ARHGAP1: variants seen among roughly 807,000 people sequenced by gnomAD.
ARHGAP1 encodes Rho GTPase activating protein 1.
Under a neutral mutation model 52.2 loss-of-function variants are expected in ARHGAP1, and 23 were observed. The ratio of observed to expected loss-of-function variants is 0.44; its 90% CI spans 0.32 to 0.62. The LOEUF is 0.62. Among genes scored for constraint, ARHGAP1 ranks in the 20% least tolerant of loss-of-function variants. The pLI is 0.05. For synonymous variants in ARHGAP1, 210 were observed against 228.4 expected (o/e 0.92, Z 0.73); for missense variants, 480 against 560.9 (o/e 0.86, Z 1.46).
Position 46,680,133 on chromosome 11 carries a change from G to C in ARHGAP1, c.898+72C>G, listed in dbSNP as rs375311782. The C allele has an allele frequency of 2.7e-6, 4 of 1,498,376 alleles. No individual in the cohort carries two copies. The highest frequency in any genetic ancestry group is 1.4e-5 in the African/African-American group (1 of 72,442). 92.8% of individuals were successfully genotyped at this position (1,498,376 alleles called of 1,614,324 possible). A position where few individuals can be genotyped will look rare whatever the true frequency, so the allele number is the denominator to read the frequency against. ...AGAGACTCTGAGACTCTCATTTACA[G>C]GGCAGCAGAGGGCAGAGAAGCCCCC... is the stretch of plus-strand genomic sequence containing the variant. On this transcript the variant is annotated intron_variant, in intron 10 of 12. Transcript: ENST00000311956. The surrounding 1 kb of genome is among the most constrained non-coding windows in gnomAD (Gnocchi z 5.9).
chr11:46,682,258 A>G (rs763638190), intron 4 of ARHGAP1, 76 bp from the exon 5 acceptor site: 8 of 1,580,904 alleles, frequency 5.1e-6, no homozygotes, highest in Non-Finnish European at 6.9e-6. Flanking sequence ...CAGCCCCAAG[A>G]GTCTCCCACC....
chr11:46,681,278 C>T lies in ARHGAP1; in HGVS notation c.536+15G>A. 6.2e-7 allele frequency: 1 copy of T among 1,607,140 alleles called. No individual in the cohort carries two copies. Among genetic ancestry groups the T allele is most frequent in the Non-Finnish European group, 8.5e-7 (1 of 1,173,622 alleles). ...AGGCAAGCCGGGACCACCAGCCCTG[C>T]CCGTGGCCACTCACCTGATGAGGGG... is the stretch of plus-strand genomic sequence containing the variant. On this transcript the variant is annotated intron_variant, in intron 6 of 12. Coordinates refer to ENST00000311956, the MANE Select transcript of ARHGAP1 (RefSeq NM_004308.5). The surrounding 1 kb of genome is among the most constrained non-coding windows in gnomAD (Gnocchi z 5.7).
Position 46,696,293 on chromosome 11 carries a change from G to A in ARHGAP1, c.-49-137C>T, listed in dbSNP as rs1359861600. 9.7e-6 allele frequency: 6 copies of A among 617,434 alleles called. No individual in the cohort carries two copies. The highest frequency in any genetic ancestry group is 3.7e-5 in the African/African-American group (2 of 53,952). 38.2% of individuals were successfully genotyped at this position (617,434 alleles called of 1,614,324 possible). ...CTATTCCTCAACACTCCTCATCCCC[G>A]CCAAGAGCTCCACGTAGCTCTGGGT... On this transcript the variant is annotated intron_variant, in intron 1 of 12. Transcript: ENST00000311956. This position sits in a 1 kb window ranked among gnomAD's most constrained non-coding sequence, Gnocchi z 4.8.
In ARHGAP1 at chr11:46,678,719, A is replaced by C; in HGVS notation, c.*318T>G. 1 of 329,084 alleles carries C rather than the reference A, an allele frequency of 3.0e-6. No individual in the cohort carries two copies. The highest frequency in any genetic ancestry group is 5.6e-6 in the Non-Finnish European group (1 of 177,168). The allele number at this position is 329,084 out of a possible 1,614,324, so 20.4% of individuals were successfully genotyped here. On this transcript the variant is annotated 3_prime_UTR_variant, in exon 13 of 13. Coordinates refer to ENST00000311956, the MANE Select transcript of ARHGAP1 (RefSeq NM_004308.5). ...TTGATTCATCCACACTTGCTAGGGA[A>C]ACAGAGGCAGGAAAAAGCAGGAAAG...
At position 46,679,569 on chromosome 11, in the gene ARHGAP1, G is replaced by C; in HGVS notation, c.1027+79C>G. Reference sequence around the variant, plus strand: ...GGAGACCCCCAGCAGTCTTCCCTGGGAGGCGCCTAGGCCCGAAAGCCTGCA... The same window carrying C: ...GGAGACCCCCAGCAGTCTTCCCTGGCAGGCGCCTAGGCCCGAAAGCCTGCA... On this transcript the variant is annotated intron_variant, in intron 11 of 12. Transcript: ENST00000311956. The surrounding 1 kb of genome is among the most constrained non-coding windows in gnomAD (Gnocchi z 4.4). 3.7e-6 allele frequency: 6 copies of C among 1,608,342 alleles called. 1 individual carries two copies. The South Asian group carries it at 5.5e-5, about 15-fold the overall frequency.
intron 4 of ARHGAP1, among the ~76,000 whole-genome samples, chr11:46,683,662 T>C (rs1322331090): frequency 6.7e-6 from 1 of 149,248 alleles, no homozygotes; most frequent in Non-Finnish European, 1.5e-5. Context: ...TTTTTTGAGA[T>C]GGAGTTTTGC....
intron 3 of ARHGAP1, among the ~76,000 whole-genome samples, chr11:46,694,661 C>T (rs1185636104): frequency 1.3e-5 from 2 of 152,214 alleles, no homozygotes; most frequent in Admixed American, 1.3e-4. Context: ...GTGACTTTCC[C>T]GTGCCCAATT....
chr11:46,677,986 T>G lies in ARHGAP1; in HGVS notation c.*1051A>C, dbSNP rs1408825035. On this transcript the variant is annotated 3_prime_UTR_variant, in exon 13 of 13. Coordinates refer to ENST00000311956, the MANE Select transcript of ARHGAP1 (RefSeq NM_004308.5). ...GTGGCCCTAGAGCCCCTTAATCCCC[T>G]GGGGAAATTGCTAGAACCCACCTAT... The G allele has an allele frequency of 2.3e-6, 1 of 428,898 alleles. No homozygotes were observed. The highest frequency in any genetic ancestry group is 4.6e-6 in the Non-Finnish European group (1 of 219,182). 26.6% of individuals were successfully genotyped at this position (428,898 alleles called of 1,614,324 possible).
At position 46,694,977 on chromosome 11, in the gene ARHGAP1, A is replaced by G. The variant is rs192374400; in HGVS notation, c.229+683T>C. 91 of 164,822 alleles carry G rather than the reference A, an allele frequency of 5.5e-4. 1 individual carries two copies. The highest frequency in any genetic ancestry group is 1.2e-4 in the Non-Finnish European group (9 of 74,280). 10.2% of individuals were successfully genotyped at this position (164,822 alleles called of 1,614,324 possible). A position where few individuals can be genotyped will look rare whatever the true frequency, so the allele number is the denominator to read the frequency against. ...CTGGCCTCACCAGCAAGGATGGACA[A>G]ATGTTAGGGAAAAGATAAAGGATCC... On this transcript the variant is annotated intron_variant, in intron 3 of 12. Transcript: ENST00000311956.
In ARHGAP1 at chr11:46,680,989, C is replaced by A. The variant is rs774066659; in HGVS notation, c.635+22G>T. Reference sequence around the variant, plus strand: ...CTCATTACCCTGGCTTCACGAGCCCCCAGCCGCCGCACCCGCCTCACTTGA... The same window carrying A: ...CTCATTACCCTGGCTTCACGAGCCCACAGCCGCCGCACCCGCCTCACTTGA... On this transcript the variant is annotated intron_variant, in intron 7 of 12. Transcript: ENST00000311956. This position sits in a 1 kb window ranked among gnomAD's most constrained non-coding sequence, Gnocchi z 5.9. The A allele has an allele frequency of 6.2e-7, 1 of 1,610,170 alleles. No homozygotes were observed. The highest frequency in any genetic ancestry group is 1.1e-5 in the South Asian group (1 of 91,016).
Position 46,681,270 on chromosome 11 carries a change from C to A in ARHGAP1, c.536+23G>T. ...AGAGTTCCAGGCAAGCCGGGACCAC[C>A]AGCCCTGCCCGTGGCCACTCACCTG... On this transcript the variant is annotated intron_variant, in intron 6 of 12. Transcript: ENST00000311956. This position sits in a 1 kb window ranked among gnomAD's most constrained non-coding sequence, Gnocchi z 5.7. 1 of 1,601,250 alleles carries A rather than the reference C, an allele frequency of 6.2e-7. No homozygotes were observed. The highest frequency in any genetic ancestry group is 1.1e-5 in the South Asian group (1 of 90,800).
intron 3 of ARHGAP1, among the ~76,000 whole-genome samples, chr11:46,691,144 A>C (rs1453225167): frequency 6.6e-6 from 1 of 152,062 alleles, no homozygotes; most frequent in African/African-American, 2.4e-5. Context: ...CTGGGATTAC[A>C]GTTGCGTACC....
At position 46,681,927 on chromosome 11, in the gene ARHGAP1, G is replaced by T. The variant is rs576439906; in HGVS notation, c.449+124C>A. The T allele has an allele frequency of 2.2e-6, 3 of 1,367,340 alleles. No individual in the cohort carries two copies. In the East Asian group the frequency reaches 7.3e-5, roughly 33 times the overall value. The allele number at this position is 1,367,340 out of a possible 1,614,324, so 84.7% of individuals were successfully genotyped here. A position where few individuals can be genotyped will look rare whatever the true frequency, so the allele number is the denominator to read the frequency against. ...CTGACTGCAGATTCTTTACATTGACGTAGACGGCAGCCCCCGCCACCCCCT... is the reference window on the plus strand; with the variant it reads ...CTGACTGCAGATTCTTTACATTGACTTAGACGGCAGCCCCCGCCACCCCCT... On this transcript the variant is annotated intron_variant, in intron 5 of 12. Coordinates refer to ENST00000311956, the MANE Select transcript of ARHGAP1 (RefSeq NM_004308.5). The surrounding 1 kb of genome is among the most constrained non-coding windows in gnomAD (Gnocchi z 5.7).
At position 46,679,750 on chromosome 11, in the gene ARHGAP1, T is replaced by C. The variant is rs761422655; in HGVS notation, c.925A>G (p.Asn309Asp). Residue 309 changes from asparagine to aspartate, a missense_variant, in exon 11 of 13, where the codon AAT (asparagine) becomes GAT (aspartate). Physicochemically the swap from Asn to Asp is conservative, Grantham distance 23 (BLOSUM62 1). Transcript: ENST00000311956. The surrounding 1 kb of genome is among the most constrained non-coding windows in gnomAD (Gnocchi z 4.4). ...MGLPVDFDQY[N>D]ELHLPAVILK... The stretch of plus-strand genomic sequence containing the variant: ...ATGACTGCTGGCAGGTGCAGCTCAT[T>C]GTACTGGTCGAAATCCACAGGCAGC... The C allele has an allele frequency of 1.2e-6, 2 of 1,613,722 alleles. No homozygotes were observed. The highest frequency in any genetic ancestry group is 1.3e-5 in the African/African-American group (1 of 74,912).
In ARHGAP1 at chr11:46,681,649, G is replaced by A; in HGVS notation, c.450-270C>T. The A allele has an allele frequency of 2.4e-6, 1 of 421,496 alleles. No individual in the cohort carries two copies. The highest frequency in any genetic ancestry group is 4.4e-6 in the Non-Finnish European group (1 of 227,056). 26.1% of individuals were successfully genotyped at this position (421,496 alleles called of 1,614,324 possible). On this transcript the variant is annotated intron_variant, in intron 5 of 12. Transcript: ENST00000311956. This position sits in a 1 kb window ranked among gnomAD's most constrained non-coding sequence, Gnocchi z 5.7. ...GGGTTTCACCATGTTGGCCAGGCTG[G>A]TCTGGAACTCCTGACCTCAAGTGAT...
rs2064651734 is a variant in ARHGAP1 at position 46,696,089 on chromosome 11, G to C, written c.19C>G (p.Leu7Val). MDPLSE[L>V]QDDLTLDDTS... is the part of the protein sequence containing the mutation. ...TCATCCAAGGTCAGATCATCCTGCA[G>C]CTCTGAGAGCGGATCCATGGCCAAG... The change falls in exon 2 of 13, where the codon CTG becomes GTG. Residue 7 changes from leucine (L) to valine (V), a missense_variant. Leu to Val is a conservative substitution (Grantham distance 32). Coordinates refer to ENST00000311956, the MANE Select transcript of ARHGAP1 (RefSeq NM_004308.5). This position sits in a 1 kb window ranked among gnomAD's most constrained non-coding sequence, Gnocchi z 4.8. The C allele has an allele frequency of 1.2e-6, 2 of 1,604,844 alleles. No homozygotes were observed. Among genetic ancestry groups the C allele is most frequent in the Admixed American group, 3.4e-5 (2 of 58,084 alleles).
chr11:46,697,550 A>G (rs1420220201), intron 1 of ARHGAP1: 2 of 152,264 alleles, frequency 1.3e-5, no homozygotes, highest in African/African-American at 4.8e-5. Flanking sequence ...CACACATCAC[A>G]TCACAGCCAA....
In ARHGAP1 at chr11:46,682,041, C is replaced by T. The variant is rs2064532794; in HGVS notation, c.449+10G>A. 2 of 1,613,746 alleles carry T rather than the reference C, an allele frequency of 1.2e-6. No homozygotes were observed. Among genetic ancestry groups the T allele is most frequent in the African/African-American group, 2.7e-5 (2 of 74,934 alleles). ...GGATCTGACTGTGCAGGCCCCATGC[C>T]CCAACCCACTTGCGGTCAAACTCCC... On this transcript the variant is annotated intron_variant, in intron 5 of 12. Transcript: ENST00000311956.
chr11:46,682,303 GCA>G (rs1336005984), intron 4 of ARHGAP1, 121 bp from the exon 5 acceptor site: 2 of 1,347,874 alleles, frequency 1.5e-6, no homozygotes, highest in African/African-American at 2.9e-5. Context: ...CCCTCCCCTA[GCA>G]CAGTCTGTTC....
Sources: allele counts gnomAD v4.1 joint callset (sites outside exome capture counted in the v4.1 genomes callset), GRCh38; gene constraint gnomAD v4.1.1; non-coding constraint Gnocchi (gnomAD v3.1); transcripts MANE v1.5; gene names NCBI Gene and HGNC (gene_info 2026-07-23, HGNC 2026-07-21).